The following EEFSEC variants were observed in gnomAD, a reference collection of about 807,000 sequenced individuals.
EEFSEC encodes the protein selenocysteine-specific elongation factor.
Under a neutral mutation model 42.1 loss-of-function variants are expected in EEFSEC, and 43 were observed. The ratio of observed to expected loss-of-function variants is 1.02; its 90% CI spans 0.80 to 1.32. EEFSEC has a LOEUF of 1.32. EEFSEC is among the 40% of genes most tolerant of loss of function. The probability of loss-of-function intolerance (pLI) is 0.00; values close to 1 mark genes in which losing one functional copy is unlikely to be tolerated. For synonymous variants in EEFSEC, 354 were observed against 339.1 expected, an observed-to-expected ratio of 1.04 and a Z score of -0.48; for missense variants, 745 against 803.6, an observed-to-expected ratio of 0.93 and a Z score of 0.88.
At chr3:128,420,910 G>A in the EEFSEC span, among the ~76,000 whole-genome samples, 10 of 152,104 alleles carry the variant, frequency 6.6e-5, no homozygotes, top group South Asian at 2.1e-4. Flanking sequence ...CAGAAGCGGC[G>A]GCCCTTGCAC....
intron 4 of EEFSEC, among the ~76,000 whole-genome samples, chr3:128,302,296 T>A (rs1374140055): frequency 1.3e-5 from 2 of 152,186 alleles, no homozygotes; most frequent in African/African-American, 2.4e-5. Flanking sequence ...AGTGTGCATT[T>A]TGCTGTAACT....
At chr3:128,327,403 A>G (rs1416058592) in intron 4 of EEFSEC, among the ~76,000 whole-genome samples, 2 of 149,292 alleles carry the variant, frequency 1.3e-5, no homozygotes, top group African/African-American at 5.0e-5. Context: ...TAATACTTTC[A>G]TATTCTAATG....
intron 4 of EEFSEC, among the ~76,000 whole-genome samples, chr3:128,330,622 G>A (rs577923995): frequency 3.3e-5 from 5 of 152,214 alleles, no homozygotes; most frequent in Admixed American, 2.6e-4. Flanking sequence ...GGGCAGGGCA[G>A]CAGTGTTCCT....
At chr3:128,331,061 C>CT (rs2108056719) in intron 4 of EEFSEC, among the ~76,000 whole-genome samples, 1 of 29,724 alleles carries the variant, frequency 3.4e-5, no homozygotes, top group Non-Finnish European at 6.9e-5. Context: ...TCCCCTCTTC[C>CT]CCCTTCCTCA....
chr3:128,161,085 G>C (rs927802268), intron 1 of EEFSEC, among the ~76,000 whole-genome samples: 6 of 152,142 alleles, frequency 3.9e-5, no homozygotes, highest in African/African-American at 1.4e-4. Context: ...TCAGAACTAG[G>C]TTTGAACCCA....
intron 6 of EEFSEC, among the ~76,000 whole-genome samples, chr3:128,404,589 C>T (rs868784956): frequency 5.9e-5 from 9 of 152,280 alleles, no homozygotes; most frequent in African/African-American, 1.4e-4. Context: ...AGAAGGAAGG[C>T]CAGGCTCTGA....
At chr3:128,257,955 A>C (rs1486741176) in intron 2 of EEFSEC, among the ~76,000 whole-genome samples, 1 of 152,106 alleles carries the variant, frequency 6.6e-6, no homozygotes, top group African/African-American at 2.4e-5. Flanking sequence ...CTTCTACTCT[A>C]CCTTTTATTT....
chr3:128,386,524 T>G (rs116805735), intron 6 of EEFSEC, among the ~76,000 whole-genome samples: 2,968 of 151,512 alleles, frequency 0.02, 104 homozygotes, highest in African/African-American at 0.067. Flanking sequence ...CTGAGGGTAG[T>G]GAGGCCAGGC....
At chr3:128,198,703 CACCT>C (rs1421358141) in intron 1 of EEFSEC, among the ~76,000 whole-genome samples, 2 of 152,182 alleles carry the variant, frequency 1.3e-5, no homozygotes. Context: ...GTGTTGCTGG[CACCT>C]TTCTGTGAAG....
At chr3:128,379,638 T>C (rs1232909119) in intron 6 of EEFSEC, among the ~76,000 whole-genome samples, 1 of 152,202 alleles carries the variant, frequency 6.6e-6, no homozygotes, top group Non-Finnish European at 1.5e-5. Flanking sequence ...CTGTCATGTC[T>C]CTGGGGCCCC....
At chr3:128,372,494 G>T (rs1002294437) in intron 6 of EEFSEC, among the ~76,000 whole-genome samples, 6 of 152,176 alleles carry the variant, frequency 3.9e-5, no homozygotes, top group Non-Finnish European at 8.8e-5. Flanking sequence ...GTTCAGAGAC[G>T]CTTGGTCATC....
chr3:128,265,217 T>C (rs2066342034), intron 4 of EEFSEC, among the ~76,000 whole-genome samples: 1 of 152,176 alleles, frequency 6.6e-6, no homozygotes, highest in South Asian at 2.1e-4. Flanking sequence ...TTAACCACAG[T>C]AATTTCAAAT....
chr3:128,156,151 C>T (rs1445998926), intron 1 of EEFSEC, among the ~76,000 whole-genome samples: 1 of 152,170 alleles, frequency 6.6e-6, no homozygotes, highest in Non-Finnish European at 1.5e-5. Flanking sequence ...GGGCTTGAAG[C>T]CTAGCTTGCT....
chr3:128,416,828 A>G, the EEFSEC span, among the ~76,000 whole-genome samples: 3 of 152,248 alleles, frequency 2.0e-5, no homozygotes, highest in Admixed American at 6.5e-5. Flanking sequence ...TGGAGAAATG[A>G]AGAGATGGGT....
chr3:128,196,145 G>A (rs965452618), intron 1 of EEFSEC, among the ~76,000 whole-genome samples: 15 of 152,298 alleles, frequency 9.8e-5, no homozygotes, highest in African/African-American at 3.6e-4. Context: ...AAATAAAAAG[G>A]AAATGAAACC....
chr3:128,424,859 C>G, the EEFSEC span, among the ~76,000 whole-genome samples: 7 of 152,080 alleles, frequency 4.6e-5, no homozygotes, highest in African/African-American at 1.2e-4. Flanking sequence ...TCTCCTCCCC[C>G]ACTCCTCTCA....
At chr3:128,421,680 G>GT in the EEFSEC span, among the ~76,000 whole-genome samples, 1,537 of 152,228 alleles carry the variant, frequency 0.01, 86 homozygotes, top group Admixed American at 0.081. Flanking sequence ...TATGAGCGGG[G>GT]TGGGGGGGCG....
chr3:128,372,804 T>G (rs566977539), intron 6 of EEFSEC, among the ~76,000 whole-genome samples: 1 of 152,320 alleles, frequency 6.6e-6, no homozygotes, highest in South Asian at 2.1e-4. Context: ...AGCAGCCCTC[T>G]CTGGGACAAA....
At chr3:128,411,088 C>A (rs984218233), downstream of EEFSEC, among the ~76,000 whole-genome samples, 4 of 152,212 alleles carry the variant, frequency 2.6e-5, no homozygotes, top group Admixed American at 6.5e-5. Context: ...GAAACCCGAG[C>A]GTCCATTAGT....
Sources: allele counts gnomAD v4.1 joint callset (sites outside exome capture counted in the v4.1 genomes callset), GRCh38; gene constraint gnomAD v4.1.1; transcripts MANE v1.5; gene names NCBI Gene and HGNC (gene_info 2026-07-23, HGNC 2026-07-21).